The following LOC400499 variants were observed in gnomAD, a reference collection of about 807,000 sequenced individuals.
the LOC400499 span, chr16:11,372,188 A>G: frequency 6.6e-6 from 1 of 152,140 alleles, no homozygotes; most frequent in Non-Finnish European, 1.5e-5. Context: ...CAGTGTGTCT[A>G]CCCCAAAGAG....
the LOC400499 span, among the ~76,000 whole-genome samples, chr16:11,476,065 A>C: frequency 6.6e-6 from 1 of 151,506 alleles, no homozygotes; most frequent in Admixed American, 6.6e-5. Context: ...TTCCAGACAG[A>C]GGGCACAGCA....
the LOC400499 span, among the ~76,000 whole-genome samples, chr16:11,525,919 C>T: frequency 2.6e-5 from 4 of 152,192 alleles, no homozygotes; most frequent in Non-Finnish European, 4.4e-5. Flanking sequence ...ATTCTTCAAT[C>T]AGATCCTACT....
chr16:11,376,930 T>C, the LOC400499 span, among the ~76,000 whole-genome samples: 1 of 138,792 alleles, frequency 7.2e-6, no homozygotes, highest in East Asian at 2.0e-4. Context: ...TTTGATGCTA[T>C]TGTAAATGGA....
chr16:11,509,625 G>A, the LOC400499 span, among the ~76,000 whole-genome samples: 1 of 151,836 alleles, frequency 6.6e-6, no homozygotes, highest in Non-Finnish European at 1.5e-5. Context: ...GAGGTCAGGA[G>A]TTCGAGACCA....
the LOC400499 span, among the ~76,000 whole-genome samples, chr16:11,411,868 T>C: frequency 4.7e-4 from 63 of 133,382 alleles, no homozygotes; most frequent in African/African-American, 1.5e-3. Flanking sequence ...TTTTTTTTTT[T>C]CCTTCTTCAC....
At chr16:11,506,217 G>T in the LOC400499 span, among the ~76,000 whole-genome samples, 1 of 151,988 alleles carries the variant, frequency 6.6e-6, no homozygotes, top group Non-Finnish European at 1.5e-5. Context: ...TAGAGACAGG[G>T]TTTCACCATG....
At chr16:11,480,165 T>C in the LOC400499 span, among the ~76,000 whole-genome samples, 1 of 152,206 alleles carries the variant, frequency 6.6e-6, no homozygotes, top group Non-Finnish European at 1.5e-5. Context: ...GCCAAGTATC[T>C]GCTGCCATTC....
At chr16:11,379,842 G>A in the LOC400499 span, among the ~76,000 whole-genome samples, 20 of 152,064 alleles carry the variant, frequency 1.3e-4, no homozygotes, top group Admixed American at 1.3e-3. Context: ...ATTACCATGG[G>A]GATTACACGA....
the LOC400499 span, among the ~76,000 whole-genome samples, chr16:11,497,418 G>A: frequency 6.6e-6 from 1 of 152,228 alleles, no homozygotes; most frequent in African/African-American, 2.4e-5. Flanking sequence ...GAGGGCAGGG[G>A]TTATAAAAAG....
the LOC400499 span, among the ~76,000 whole-genome samples, chr16:11,433,020 G>A: frequency 6.6e-6 from 1 of 152,166 alleles, no homozygotes; most frequent in Admixed American, 6.5e-5. Flanking sequence ...ACTACAGCTT[G>A]TGGGCCAAAG....
chr16:11,381,825 T>C, the LOC400499 span, among the ~76,000 whole-genome samples: 1 of 152,246 alleles, frequency 6.6e-6, no homozygotes, highest in Non-Finnish European at 1.5e-5. Flanking sequence ...CCTTAGCTTT[T>C]AGGACCTTTT....
At chr16:11,398,336 G>A in the LOC400499 span, 95 of 1,232,228 alleles carry the variant, frequency 7.7e-5, no homozygotes, top group Non-Finnish European at 8.6e-5. Context: ...CCCTTCTGCA[G>A]GGCAGACTCA....
the LOC400499 span, among the ~76,000 whole-genome samples, chr16:11,481,748 T>G: frequency 6.6e-6 from 1 of 152,202 alleles, no homozygotes; most frequent in African/African-American, 2.4e-5. Flanking sequence ...TTCTCCTGCC[T>G]CAGCCTCCAG....
At chr16:11,472,687 G>C in the LOC400499 span, 3 of 152,038 alleles carry the variant, frequency 2.0e-5, no homozygotes, top group East Asian at 1.9e-4. Flanking sequence ...TCACTGTAAA[G>C]GCCTCAGTCT....
the LOC400499 span, chr16:11,446,420 G>T: frequency 1.2e-6 from 1 of 808,432 alleles, no homozygotes; most frequent in South Asian, 1.7e-5. Flanking sequence ...AGCCTCCTGC[G>T]TAGCTAAGAT....
At chr16:11,391,578 A>G in the LOC400499 span, 1 of 1,118,288 alleles carries the variant, frequency 8.9e-7, no homozygotes, top group East Asian at 3.2e-5. Flanking sequence ...AAACAGTGCC[A>G]CAGGCCAATG....
At chr16:11,477,889 G>C in the LOC400499 span, 31 of 398,930 alleles carry the variant, frequency 7.8e-5, no homozygotes, top group Middle Eastern at 1.9e-3. Flanking sequence ...CTCGGACCCG[G>C]ATGCTGATGG....
chr16:11,435,722 G>C, the LOC400499 span: 1 of 399,226 alleles, frequency 2.5e-6, no homozygotes, highest in Non-Finnish European at 4.4e-6. Context: ...ACTGAGGACA[G>C]CCTGGTGGAG....
At chr16:11,500,616 C>T in the LOC400499 span, among the ~76,000 whole-genome samples, 78 of 152,112 alleles carry the variant, frequency 5.1e-4, no homozygotes, top group East Asian at 9.8e-3. Flanking sequence ...CCCTTGAACC[C>T]GGAATTCTCT....
Sources: gnomAD v4.1 joint callset for allele counts (sites outside exome capture counted in the v4.1 genomes callset) on GRCh38, gnomAD v4.1.1 for gene constraint, MANE v1.5 for transcripts.